SPMIP7: variants seen among roughly 807,000 people sequenced by gnomAD.
SPMIP7 encodes the protein protein SPMIP7.
At chr7:50,152,819 T>C in the SPMIP7 span, among the ~76,000 whole-genome samples, 1 of 152,082 alleles carries the variant, frequency 6.6e-6, no homozygotes. Flanking sequence ...CCTGAGTAGC[T>C]GGAATTACAG....
At chr7:50,125,310 CCATATATA>C in the SPMIP7 span, among the ~76,000 whole-genome samples, 1 of 21,418 alleles carries the variant, frequency 4.7e-5, no homozygotes, top group East Asian at 1.9e-3. Context: ...ATATATATAC[CCATATATA>C]CATATATACA....
the SPMIP7 span, among the ~76,000 whole-genome samples, chr7:50,152,509 AAC>A: frequency 2.0e-5 from 3 of 152,146 alleles, no homozygotes; most frequent in African/African-American, 7.2e-5. Context: ...TGAAAATGCA[AAC>A]ACAGTCTGAA....
chr7:50,131,404 C>T, the SPMIP7 span, among the ~76,000 whole-genome samples: 102 of 152,208 alleles, frequency 6.7e-4, no homozygotes, highest in South Asian at 1.0e-3. Flanking sequence ...CATTAGACAT[C>T]CAAGTGGATA....
At chr7:50,104,104 G>A in the SPMIP7 span, among the ~76,000 whole-genome samples, 7 of 152,254 alleles carry the variant, frequency 4.6e-5, no homozygotes, top group African/African-American at 1.2e-4. Context: ...GAAATAACAA[G>A]TGATTCTGCA....
the SPMIP7 span, among the ~76,000 whole-genome samples, chr7:50,111,594 T>G: frequency 6.6e-6 from 1 of 152,200 alleles, no homozygotes; most frequent in Non-Finnish European, 1.5e-5. Context: ...CATTCACACA[T>G]GCAAACTTCG....
chr7:50,118,369 T>C, the SPMIP7 span, among the ~76,000 whole-genome samples: 1 of 152,198 alleles, frequency 6.6e-6, no homozygotes. Context: ...GTGGGGTAAC[T>C]GTTATCAAAT....
the SPMIP7 span, among the ~76,000 whole-genome samples, chr7:50,125,905 G>A: frequency 1.3e-5 from 2 of 151,908 alleles, no homozygotes; most frequent in African/African-American, 2.4e-5. Context: ...ATATTATGGG[G>A]ACTGTAGTTA....
At chr7:50,098,333 A>G in the SPMIP7 span, among the ~76,000 whole-genome samples, 1 of 152,174 alleles carries the variant, frequency 6.6e-6, no homozygotes, top group African/African-American at 2.4e-5. Flanking sequence ...TTCTAATTAC[A>G]TTCAGATCCT....
chr7:50,145,835 T>G, the SPMIP7 span, among the ~76,000 whole-genome samples: 2 of 151,074 alleles, frequency 1.3e-5, no homozygotes, highest in African/African-American at 4.9e-5. Context: ...TTGCTTGTTT[T>G]TCCAAACTAG....
the SPMIP7 span, chr7:50,136,058 G>C: frequency 1.4e-6 from 2 of 1,418,538 alleles, no homozygotes; most frequent in Non-Finnish European, 9.7e-7. Context: ...AAATTATAAC[G>C]TGCTCATTAA....
At chr7:50,124,363 A>G in the SPMIP7 span, among the ~76,000 whole-genome samples, 5 of 152,180 alleles carry the variant, frequency 3.3e-5, no homozygotes, top group Admixed American at 2.6e-4. Context: ...ACATAGATCT[A>G]AACAATACAT....
At chr7:50,106,322 G>T in the SPMIP7 span, among the ~76,000 whole-genome samples, 1 of 152,188 alleles carries the variant, frequency 6.6e-6, no homozygotes, top group Non-Finnish European at 1.5e-5. Flanking sequence ...AGAAGTAAAA[G>T]ATCAGAAGTT....
At chr7:50,118,542 C>A in the SPMIP7 span, among the ~76,000 whole-genome samples, 1 of 152,134 alleles carries the variant, frequency 6.6e-6, no homozygotes, top group Non-Finnish European at 1.5e-5. Flanking sequence ...TAGAAGCTTT[C>A]CCATCTGAGA....
At chr7:50,139,138 C>T in the SPMIP7 span, among the ~76,000 whole-genome samples, 1 of 151,950 alleles carries the variant, frequency 6.6e-6, no homozygotes, top group African/African-American at 2.4e-5. Flanking sequence ...ATCACGAGGT[C>T]AGGAGATTGA....
chr7:50,123,622 C>A, the SPMIP7 span, among the ~76,000 whole-genome samples: 4 of 150,662 alleles, frequency 2.7e-5, no homozygotes, highest in South Asian at 2.1e-4. Context: ...TGTTTGTACA[C>A]GTTATGTGAA....
At chr7:50,129,801 G>A in the SPMIP7 span, 1 of 1,524,832 alleles carries the variant, frequency 6.6e-7, no homozygotes, top group Non-Finnish European at 8.9e-7. Context: ...AAAGTAAGCA[G>A]TTTTCCCAGT....
chr7:50,137,967 T>C, the SPMIP7 span, among the ~76,000 whole-genome samples: 1 of 152,074 alleles, frequency 6.6e-6, no homozygotes, highest in African/African-American at 2.4e-5. Flanking sequence ...AAGACTTTTC[T>C]ATTTTTGCTT....
chr7:50,143,006 A>G, the SPMIP7 span, among the ~76,000 whole-genome samples: 1 of 152,292 alleles, frequency 6.6e-6, no homozygotes, highest in East Asian at 1.9e-4. Context: ...TCCTATTGAA[A>G]GCAAATATGT....
At chr7:50,136,284 G>C in the SPMIP7 span, 1 of 721,556 alleles carries the variant, frequency 1.4e-6, no homozygotes, top group Non-Finnish European at 2.4e-6. Flanking sequence ...TTCTCTGATG[G>C]AGAGCATCCC....
Sources: gnomAD v4.1 joint callset for allele counts (sites outside exome capture counted in the v4.1 genomes callset) on GRCh38, gnomAD v4.1.1 for gene constraint, MANE v1.5 for transcripts, NCBI Gene and HGNC (gene_info 2026-07-23, HGNC 2026-07-21) for gene names.